ROBO1: variants seen among roughly 807,000 people sequenced by gnomAD.
ROBO1 encodes roundabout homolog 1.
ROBO1 carries 149 observed loss-of-function variants against 195.9 expected under a neutral mutation model. That is an observed-to-expected ratio of 0.76 (90% CI 0.67 to 0.87). ROBO1 has a LOEUF of 0.87. Among genes scored for constraint, ROBO1 ranks in the 40% least tolerant of loss-of-function variants. The probability of loss-of-function intolerance (pLI) is 0.00; values close to 1 mark genes in which losing one functional copy is unlikely to be tolerated. For synonymous variants in ROBO1, 816 were observed against 733.2 expected, an observed-to-expected ratio of 1.11 and a Z score of -1.82; for missense variants, 1,933 against 2,068.3, an observed-to-expected ratio of 0.93 and a Z score of 1.27.
At chr3:79,639,969 T>C (rs1447441135) in intron 1 of ROBO1, among the ~76,000 whole-genome samples, 1 of 152,190 alleles carries the variant, frequency 6.6e-6, no homozygotes, top group African/African-American at 2.4e-5. Context: ...AAAATAGATT[T>C]TTTTCTTTTA....
intron 2 of ROBO1, among the ~76,000 whole-genome samples, chr3:79,469,556 C>T (rs1938153491): frequency 6.6e-6 from 1 of 152,206 alleles, no homozygotes; most frequent in South Asian, 2.1e-4. Flanking sequence ...AATCAGCAGC[C>T]GGATTTAAAT....
intron 1 of ROBO1, among the ~76,000 whole-genome samples, chr3:79,700,262 T>C (rs1042803281): frequency 5.9e-5 from 9 of 151,266 alleles, no homozygotes; most frequent in Non-Finnish European, 1.0e-4. Flanking sequence ...ATGTCTTTGC[T>C]ATTGTGCATA....
chr3:79,015,176 T>TATCACA (rs911400020), intron 3 of ROBO1, among the ~76,000 whole-genome samples: 7 of 152,096 alleles, frequency 4.6e-5, no homozygotes, highest in African/African-American at 1.4e-4. Context: ...TTTTAAAAGA[T>TATCACA]ATCACAGTAT....
At chr3:78,893,659 G>A (rs569832436) in intron 4 of ROBO1, among the ~76,000 whole-genome samples, 9 of 152,050 alleles carry the variant, frequency 5.9e-5, no homozygotes, top group Non-Finnish European at 5.9e-5. Context: ...AGGAAATAAC[G>A]TCTAAGTTAA....
chr3:78,626,538 T>C (rs2107471341), intron 26 of ROBO1, among the ~76,000 whole-genome samples: 1 of 152,150 alleles, frequency 6.6e-6, no homozygotes, highest in South Asian at 2.1e-4. Context: ...TCAAATGATA[T>C]TAGGAATACA....
chr3:78,654,152 T>C (rs1025722509), intron 18 of ROBO1, among the ~76,000 whole-genome samples: 2 of 152,230 alleles, frequency 1.3e-5, no homozygotes, highest in East Asian at 3.9e-4. Flanking sequence ...TGACATTGCA[T>C]CTTGATAAGA....
intron 2 of ROBO1, among the ~76,000 whole-genome samples, chr3:79,275,904 G>C (rs1406181945): frequency 1.3e-5 from 2 of 151,506 alleles, no homozygotes; most frequent in African/African-American, 4.8e-5. Context: ...AAATACCTAG[G>C]AATAAACCTA....
intron 28 of ROBO1, 47 bp downstream of exon 28, chr3:78,614,600 TA>T: frequency 6.3e-7 from 1 of 1,594,658 alleles, no homozygotes; most frequent in Non-Finnish European, 8.6e-7. Context: ...AGAGGCAGGG[TA>T]AATAGGCGAG....
At chr3:79,519,912 A>G (rs1197439232) in intron 2 of ROBO1, among the ~76,000 whole-genome samples, 3 of 152,082 alleles carry the variant, frequency 2.0e-5, no homozygotes, top group South Asian at 2.1e-4. Context: ...TAATCCCAGT[A>G]CTTTGGGATA....
chr3:79,343,904 G>A (rs2035006618), intron 2 of ROBO1, among the ~76,000 whole-genome samples: 3 of 152,152 alleles, frequency 2.0e-5, no homozygotes, highest in South Asian at 4.1e-4. Flanking sequence ...CTAGTTGTTT[G>A]TTTCCCAAAC....
At chr3:78,643,143 C>T (rs1292619303) in intron 21 of ROBO1, among the ~76,000 whole-genome samples, 1 of 152,116 alleles carries the variant, frequency 6.6e-6, no homozygotes, top group African/African-American at 2.4e-5. Context: ...CCAGGAGTTG[C>T]CAAACGTTTT....
chr3:79,692,010 G>A (rs1947311011), intron 1 of ROBO1, among the ~76,000 whole-genome samples: 1 of 151,764 alleles, frequency 6.6e-6, no homozygotes, highest in Admixed American at 6.6e-5. Context: ...TTTTATAGAG[G>A]AAGTACAAGG....
At chr3:79,611,220 T>C (rs1200498430) in intron 1 of ROBO1, among the ~76,000 whole-genome samples, 2 of 152,042 alleles carry the variant, frequency 1.3e-5, no homozygotes, top group African/African-American at 4.8e-5. Context: ...TCCACGGTTC[T>C]TCAGTATGAC....
intron 23 of ROBO1, among the ~76,000 whole-genome samples, chr3:78,634,900 T>C (rs192561236): frequency 1.3e-5 from 2 of 152,306 alleles, no homozygotes; most frequent in Admixed American, 1.3e-4. Context: ...TAAATCGCAT[T>C]TTCAAAGAAA....
chr3:79,763,235 A>C (rs746268168), intron 1 of ROBO1, among the ~76,000 whole-genome samples: 1 of 147,616 alleles, frequency 6.8e-6, no homozygotes, highest in African/African-American at 2.6e-5. Context: ...CATCTGGGTG[A>C]CTATCGAGTG....
At chr3:79,654,512 C>T (rs1466775185) in intron 1 of ROBO1, among the ~76,000 whole-genome samples, 1 of 151,810 alleles carries the variant, frequency 6.6e-6, no homozygotes, top group African/African-American at 2.4e-5. Context: ...GTAAAACAAC[C>T]ATAATAAAAA....
intron 3 of ROBO1, among the ~76,000 whole-genome samples, chr3:79,086,391 C>T (rs909885078): frequency 4.0e-5 from 6 of 151,884 alleles, no homozygotes; most frequent in Admixed American, 6.6e-5. Flanking sequence ...TGAATGTACA[C>T]GAGTGTACAA....
At chr3:79,172,426 C>A (rs1461129229) in intron 2 of ROBO1, among the ~76,000 whole-genome samples, 3 of 152,138 alleles carry the variant, frequency 2.0e-5, no homozygotes, top group Non-Finnish European at 4.4e-5. Context: ...ACTTCATCAT[C>A]CCCTTGGGAG....
At chr3:79,716,068 A>C (rs1702470184) in intron 1 of ROBO1, among the ~76,000 whole-genome samples, 1 of 152,104 alleles carries the variant, frequency 6.6e-6, no homozygotes, top group African/African-American at 2.4e-5. Context: ...ATAAAAAGTT[A>C]TAGAGGTAAC....
Sources: gnomAD v4.1 joint callset for allele counts (sites outside exome capture counted in the v4.1 genomes callset) on GRCh38, gnomAD v4.1.1 for gene constraint, MANE v1.5 for transcripts, NCBI Gene and HGNC (gene_info 2026-07-23, HGNC 2026-07-21) for gene names.